The following NSMAF variants were observed in gnomAD, a reference collection of about 807,000 sequenced individuals.
NSMAF encodes protein FAN.
In NSMAF, 90 loss-of-function variants were observed where a neutral mutation model predicts 134.9. The observed-to-expected ratio is 0.67, with a 90% CI of 0.56 to 0.79. The LOEUF (loss-of-function observed/expected upper bound fraction) is 0.79. Among genes scored for constraint, NSMAF ranks in the 30% least tolerant of loss-of-function variants. The probability of loss-of-function intolerance (pLI) is 0.00; values close to 1 mark genes in which losing one functional copy is unlikely to be tolerated. For synonymous variants in NSMAF, 358 were observed against 389.6 expected, an observed-to-expected ratio of 0.92 and a Z score of 0.96; for missense variants, 1,010 against 1,119.0, an observed-to-expected ratio of 0.90 and a Z score of 1.39.
chr8:58,659,399 C>T, intron 1 of NSMAF, 174 bp downstream of exon 1: 1 of 1,516,276 alleles, frequency 6.6e-7, no homozygotes, highest in Non-Finnish European at 8.8e-7. Flanking sequence ...CGGCCTCTCA[C>T]CCCGACCTCA....
chr8:58,604,661 C>G (rs552620011), intron 12 of NSMAF, among the ~76,000 whole-genome samples: 26 of 151,828 alleles, frequency 1.7e-4, no homozygotes, highest in Non-Finnish European at 3.5e-4. Context: ...ATGTACTTTA[C>G]TACAAATTTC....
chr8:58,605,912 G>T lies in NSMAF; in HGVS notation c.868+15C>A. 6.5e-7 allele frequency: 1 copy of T among 1,536,916 alleles called. No homozygotes were observed. Among genetic ancestry groups the T allele is most frequent in the Non-Finnish European group, 8.7e-7 (1 of 1,150,684 alleles). ...AAAAAAAAAAGAAAGAAACAATGAAGGGTGAGCGCCAAACCTAGGTATGTG... is the reference window on the plus strand; with the variant it reads ...AAAAAAAAAAGAAAGAAACAATGAATGGTGAGCGCCAAACCTAGGTATGTG... On this transcript the variant is annotated intron_variant, in intron 12 of 30. Transcript: ENST00000038176.
At chr8:58,608,687 C>T (rs1257496238) in intron 10 of NSMAF, among the ~76,000 whole-genome samples, 3 of 152,188 alleles carry the variant, frequency 2.0e-5, no homozygotes, top group African/African-American at 7.2e-5. Context: ...TTTACACTCC[C>T]TGAGAATGCT....
intron 25 of NSMAF, 53 bp downstream of exon 25, chr8:58,589,954 A>T: frequency 3.4e-6 from 5 of 1,481,082 alleles, no homozygotes; most frequent in Non-Finnish European, 4.7e-6. Flanking sequence ...TCATGTCCAC[A>T]GAGGCAGCTA....
chr8:58,614,304 G>A (rs1384367872), intron 9 of NSMAF, among the ~76,000 whole-genome samples: 1 of 152,112 alleles, frequency 6.6e-6, no homozygotes, highest in Non-Finnish European at 1.5e-5. Context: ...CTTTAACATA[G>A]GGAGAAGAAA....
At chr8:58,589,945 C>A (rs2129139331) in intron 25 of NSMAF, 62 bp downstream of exon 25, 1 of 1,414,374 alleles carries the variant, frequency 7.1e-7, no homozygotes, top group South Asian at 1.2e-5. Context: ...TTTCACACCT[C>A]ATGTCCACAG....
chr8:58,600,169 C>T (rs1456794478), intron 16 of NSMAF, 148 bp from the exon 17 acceptor site: 3 of 636,518 alleles, frequency 4.7e-6, no homozygotes, highest in East Asian at 5.5e-5. Flanking sequence ...TCTGAGTGTC[C>T]CACTTTAACA....
rs772423423 is a variant in NSMAF, at chr8:58,597,410, T to C, written c.1769A>G (p.Asn590Ser). Reference sequence around the variant, plus strand: ...ACCTGGGGAATCTGCCATAGAAGCATTATAACTGGAGGTCTGGGACAAACT... The same window carrying C: ...ACCTGGGGAATCTGCCATAGAAGCACTATAACTGGAGGTCTGGGACAAACT... The part of the protein sequence containing the change: ...FKSLSQTSSY[N>S]ASMADSPGEE... Residue 590 changes from asparagine to serine, a missense_variant, in exon 21 of 31, where the codon AAT (asparagine) becomes AGT (serine). By Grantham distance (46) the Asn-to-Ser change is conservative. Transcript: ENST00000038176. 26 of 1,614,028 alleles carry C rather than the reference T, an allele frequency of 1.6e-5. No homozygotes were observed.
At chr8:58,659,092 T>A in intron 1 of NSMAF, 3 of 751,104 alleles carry the variant, frequency 4.0e-6, no homozygotes, top group Admixed American at 4.6e-5. Flanking sequence ...GCCGGCCTGC[T>A]CGGTGCCGCC....
At chr8:58,623,638 A>G (rs1806844040) in intron 7 of NSMAF, 71 bp downstream of exon 7, 3 of 1,347,886 alleles carry the variant, frequency 2.2e-6, no homozygotes, top group African/African-American at 1.5e-5. Context: ...GGTAAGGTAT[A>G]TAAATACGAA....
At chr8:58,617,316 T>G (rs1806680820) in intron 9 of NSMAF, among the ~76,000 whole-genome samples, 1 of 152,166 alleles carries the variant, frequency 6.6e-6, no homozygotes, top group Admixed American at 6.5e-5. Flanking sequence ...AAATGGGATC[T>G]AATTAAACTA....
intron 17 of NSMAF, 32 bp downstream of exon 17, chr8:58,599,938 C>T (rs752367464): frequency 1.9e-6 from 3 of 1,612,964 alleles, no homozygotes; most frequent in East Asian, 4.5e-5. Flanking sequence ...AACCCCAAGT[C>T]CAGTTACTCA....
chr8:58,604,212 C>T (rs1806349760), intron 12 of NSMAF, among the ~76,000 whole-genome samples: 1 of 152,084 alleles, frequency 6.6e-6, no homozygotes, highest in Non-Finnish European at 1.5e-5. Flanking sequence ...AACACACTTC[C>T]CCCTCGTTTT....
chr8:58,587,547 A>C (rs1805913585), intron 27 of NSMAF, 71 bp downstream of exon 27: 1 of 1,334,072 alleles, frequency 7.5e-7, no homozygotes, highest in African/African-American at 1.5e-5. Context: ...AACAAAACCA[A>C]AAACCTTCTT....
intron 9 of NSMAF, among the ~76,000 whole-genome samples, chr8:58,621,250 A>G (rs1331830775): frequency 1.3e-5 from 2 of 152,170 alleles, no homozygotes; most frequent in Admixed American, 6.6e-5. Flanking sequence ...CGTGGCCTCC[A>G]GCTCCATCCA....
At chr8:58,626,575 G>GGT in intron 6 of NSMAF, among the ~76,000 whole-genome samples, 1 of 152,218 alleles carries the variant, frequency 6.6e-6, no homozygotes, top group South Asian at 2.1e-4. Context: ...AGTATTCCAT[G>GGT]GTGTATATAT....
chr8:58,614,774 C>T (rs1806619244), intron 9 of NSMAF, among the ~76,000 whole-genome samples: 1 of 152,138 alleles, frequency 6.6e-6, no homozygotes, highest in African/African-American at 2.4e-5. Context: ...CTCTCGTCCT[C>T]CTGAATCCCA....
At position 58,597,485 on chromosome 8, in the gene NSMAF, T is replaced by A. The variant is rs554567665; in HGVS notation, c.1694A>T (p.Lys565Ile). 6.2e-7 allele frequency: 1 copy of A among 1,614,218 alleles called. No homozygotes were observed. The change falls in exon 21 of 31, where the codon AAA (lysine) becomes ATA (isoleucine). Residue 565 changes from lysine to isoleucine, a missense_variant. Transcript: ENST00000038176. ...AGGATGTGGTGTCACAAATAGTTGT[T>A]TTGGTGTCTGCCCAAATTCCAAGAT... ...TQILEFGQTP[K>I]QLFVTPHPRR...
intron 9 of NSMAF, among the ~76,000 whole-genome samples, chr8:58,621,292 T>TA (rs1274048492): frequency 6.6e-6 from 1 of 152,260 alleles, no homozygotes; most frequent in East Asian, 1.9e-4. Context: ...TCTCTTTTTT[T>TA]ATGGCTGCAA....
Sources: gnomAD v4.1 joint callset for allele counts (sites outside exome capture counted in the v4.1 genomes callset) on GRCh38, gnomAD v4.1.1 for gene constraint, MANE v1.5 for transcripts, NCBI Gene and HGNC (gene_info 2026-07-23, HGNC 2026-07-21) for gene names.